TPCN2: variants seen among roughly 807,000 people sequenced by gnomAD.
TPCN2 encodes two pore channel protein 2.
Under a neutral mutation model 111.4 loss-of-function variants are expected in TPCN2, and 92 were observed. The ratio of observed to expected loss-of-function variants is 0.83; its 90% confidence interval spans 0.70 to 0.98. TPCN2 has a LOEUF of 0.98. Ranked by LOEUF, TPCN2 falls within the 50% of genes least tolerant of loss-of-function variation. The probability of loss-of-function intolerance (pLI) is 0.00; values close to 1 mark genes in which losing one functional copy is unlikely to be tolerated. For missense variants in TPCN2, 995 were observed against 980.1 expected (o/e 1.02, Z -0.20); for synonymous variants, 405 against 414.5 (o/e 0.98, Z 0.28).
At chr11:69,071,501 T>A in intron 10 of TPCN2, 81 bp downstream of exon 10, 1 of 1,278,246 alleles carries the variant, frequency 7.8e-7, no homozygotes, top group Non-Finnish European at 1.1e-6. Flanking sequence ...AGCAGCTGGG[T>A]GACCCTTGCT....
At chr11:69,055,068 T>C (rs1854694585) in intron 3 of TPCN2, 107 bp from the exon 4 acceptor site, 4 of 1,243,236 alleles carry the variant, frequency 3.2e-6, no homozygotes, top group Non-Finnish European at 4.6e-6. Context: ...GTGTCCACGC[T>C]CAGGCAGCGC....
chr11:69,064,056 C>A, intron 7 of TPCN2, 89 bp downstream of exon 7: 1 of 1,310,098 alleles, frequency 7.6e-7, no homozygotes, highest in Non-Finnish European at 1.1e-6. Context: ...CTGCCCTGGC[C>A]TAACCCATGT....
At chr11:69,087,378 G>T (rs541774379) in intron 24 of TPCN2, among the ~76,000 whole-genome samples, 172 bp downstream of exon 24, 140 of 152,204 alleles carry the variant, frequency 9.2e-4, no homozygotes, top group Non-Finnish European at 1.8e-3. Context: ...CGGGATCGGG[G>T]CGGCTTCTTC....
At chr11:69,058,584 G>A (rs1435591770) in intron 5 of TPCN2, among the ~76,000 whole-genome samples, 4 of 152,244 alleles carry the variant, frequency 2.6e-5, no homozygotes, top group Non-Finnish European at 2.9e-5. Context: ...TGCATCTCCT[G>A]TCCCCGCCTG....
At chr11:69,049,232 C>T in intron 1 of TPCN2, 126 bp downstream of exon 1, 1 of 541,998 alleles carries the variant, frequency 1.8e-6, no homozygotes, top group South Asian at 9.7e-5. Flanking sequence ...CGAGCGGGGC[C>T]CGGGCCGCGC....
At chr11:69,051,030 G>A (rs1409863694) in intron 1 of TPCN2, among the ~76,000 whole-genome samples, 2 of 152,244 alleles carry the variant, frequency 1.3e-5, no homozygotes, top group Non-Finnish European at 2.9e-5. Flanking sequence ...ATGGAGCCAT[G>A]GAGACTCCGA....
chr11:69,087,306 G>A, intron 24 of TPCN2, 100 bp downstream of exon 24: 1 of 985,926 alleles, frequency 1.0e-6, no homozygotes, highest in Non-Finnish European at 1.6e-6. Context: ...CCTGATGACT[G>A]TCCTCCCCCT....
chr11:69,081,488 C>T lies in TPCN2; in HGVS notation c.1678C>T (p.Pro560Ser). 6.4e-7 allele frequency: 1 copy of T among 1,567,954 alleles called. No individual in the cohort carries two copies. The highest frequency in any genetic ancestry group is 1.2e-5 in the South Asian group (1 of 85,534). Residue 560 changes from proline (P) to serine (S), a missense_variant, in exon 18 of 25, where the codon CCC (proline) becomes TCC (serine). Pro to Ser is a moderately conservative substitution (Grantham distance 74, BLOSUM62 -1). Transcript: ENST00000294309. Reference protein sequence around the residue: ...LIVFRFLRIIPSMKLMAVVAS... With the variant: ...LIVFRFLRIISSMKLMAVVAS... Reference sequence around the variant, plus strand: ...CGTGTTCCGCTTCCTGCGTATCATCCCCAGCATGAAGGTGTGTGCCGGCCC... The same window carrying T: ...CGTGTTCCGCTTCCTGCGTATCATCTCCAGCATGAAGGTGTGTGCCGGCCC...
chr11:69,087,043 G>A, intron 23 of TPCN2, 69 bp from the exon 24 acceptor site: 3 of 1,395,256 alleles, frequency 2.2e-6, no homozygotes, highest in South Asian at 1.2e-5. Flanking sequence ...ACCCTGGAGG[G>A]GCCGGGGATG....
intron 18 of TPCN2, among the ~76,000 whole-genome samples, chr11:69,083,018 A>G (rs955367224): frequency 1.4e-5 from 2 of 145,314 alleles, no homozygotes; most frequent in African/African-American, 5.3e-5. Context: ...GTGTGCACAC[A>G]TCGCATGCAG....
chr11:69,057,104 C>T (rs1174841625), intron 4 of TPCN2, among the ~76,000 whole-genome samples: 3 of 152,256 alleles, frequency 2.0e-5, no homozygotes, highest in Non-Finnish European at 1.5e-5. Context: ...TCCCAAAGTG[C>T]TGGGATTACA....
At chr11:69,069,862 T>C (rs199824947) in intron 8 of TPCN2, among the ~76,000 whole-genome samples, 19 of 52 alleles carry the variant, frequency 0.37, 8 homozygotes, top group Admixed American at 0.5. Context: ...TGCAGGGAGG[T>C]TTCAGCTCTG....
intron 4 of TPCN2, among the ~76,000 whole-genome samples, chr11:69,055,564 G>C (rs912608981): frequency 4.0e-5 from 6 of 149,236 alleles, no homozygotes; most frequent in African/African-American, 7.4e-5. Context: ...GCAAACTGAG[G>C]CCAGTGTGCC....
At chr11:69,079,772 C>G (rs913173902) in intron 16 of TPCN2, 62 bp from the exon 17 acceptor site, 4 of 1,515,294 alleles carry the variant, frequency 2.6e-6, no homozygotes, top group Non-Finnish European at 2.7e-6. Flanking sequence ...ATAATAATTC[C>G]TTTAAGGGCC....
intron 5 of TPCN2, among the ~76,000 whole-genome samples, chr11:69,061,993 A>C (rs1473428131): frequency 6.6e-6 from 1 of 151,844 alleles, no homozygotes; most frequent in Admixed American, 6.6e-5. Flanking sequence ...GCAAGACCTG[A>C]GGCTGGGTAT....
chr11:69,080,993 G>T (rs1032059621), intron 17 of TPCN2, among the ~76,000 whole-genome samples: 2 of 152,086 alleles, frequency 1.3e-5, no homozygotes, highest in African/African-American at 4.8e-5. Flanking sequence ...GGAACCAGGG[G>T]ATGGGGCTGG....
intron 2 of TPCN2, chr11:69,054,496 AC>A: frequency 1.7e-6 from 1 of 580,788 alleles, no homozygotes; most frequent in Non-Finnish European, 3.1e-6. Context: ...TCACGCACCC[AC>A]CCACCCCGGG....
chr11:69,081,249 G>A (rs1209261316), intron 17 of TPCN2, 151 bp from the exon 18 acceptor site: 1 of 579,996 alleles, frequency 1.7e-6, no homozygotes, highest in Middle Eastern at 4.7e-4. Flanking sequence ...ACCCTGCAGA[G>A]GCTTTTCTGC....
At position 69,055,111 on chromosome 11, in the gene TPCN2, G is replaced by T; in HGVS notation, c.252-64G>T. 3 of 1,560,284 alleles carry T rather than the reference G, an allele frequency of 1.9e-6. No individual in the cohort carries two copies. The South Asian group carries it at 3.6e-5, about 19-fold the overall frequency. ...CGTGCTTCGGACTGGGGAAGCTCCT[G>T]ACCAGCCTCTGGGCCCTGAGGGCTG... On this transcript the variant is annotated intron_variant, in intron 3 of 24. Coordinates refer to ENST00000294309, the MANE Select transcript of TPCN2 (RefSeq NM_139075.4).
Sources: allele counts gnomAD v4.1 joint callset (sites outside exome capture counted in the v4.1 genomes callset), GRCh38; gene constraint gnomAD v4.1.1; transcripts MANE v1.5; gene names NCBI Gene and HGNC (gene_info 2026-07-23, HGNC 2026-07-21).